Variants in DCHS2 observed in about 807,000 individuals in gnomAD.
DCHS2 encodes the protein protocadherin-23.
A neutral mutation model predicts 182.4 loss-of-function variants in DCHS2; 142 were observed. That is an observed-to-expected ratio of 0.78 (90% confidence interval 0.68 to 0.89). The LOEUF (loss-of-function observed/expected upper bound fraction) is 0.89, where lower values mean the gene tolerates loss of function less well. DCHS2 is among the 40% of genes least tolerant of loss of function. DCHS2 has a pLI of 0.00. For missense variants in DCHS2, 4,319 were observed against 4,198.6 expected, an observed-to-expected ratio of 1.03 and a Z score of -0.79; for synonymous variants, 1,740 against 1,663.3, an observed-to-expected ratio of 1.05 and a Z score of -1.12.
In DCHS2 at chr4:154,235,015, C is replaced by T; in HGVS notation, c.9637G>A (p.Val3213Ile). Residue 3213 changes from valine to isoleucine, a missense_variant, in exon 20 of 20, where the codon GTA becomes ATA. Coordinates refer to ENST00000357232, the MANE Select transcript of DCHS2 (RefSeq NM_001358235.2). ...TGAGTTGAAAGAGCTGCACACCTTA[C>T]TTCCTGATCACCTGAAATAAAGACA... is the stretch of plus-strand genomic sequence containing the variant. ...ESVFISGDQE[V>I]RCAALSTQTT... is the part of the protein sequence containing the mutation. The T allele has an allele frequency of 1.2e-6, 2 of 1,614,040 alleles. No homozygotes were observed. Among genetic ancestry groups the T allele is most frequent in the Non-Finnish European group, 1.7e-6 (2 of 1,179,984 alleles).
intron 14 of DCHS2, among the ~76,000 whole-genome samples, chr4:154,266,961 A>G (rs1284789841): frequency 6.6e-6 from 1 of 152,176 alleles, no homozygotes; most frequent in African/African-American, 2.4e-5. Flanking sequence ...TTCATCAAGC[A>G]TGTCGGCAAA....
rs149621978 is a variant in DCHS2, at chr4:154,332,318, A to G, written c.3730+160T>C. ...TCGAATACCTTATTTATTAAAAACC[A>G]TTATTTCAATTGCATGTATGCACTA... is the stretch of plus-strand genomic sequence containing the variant. On this transcript the variant is annotated intron_variant, in intron 5 of 19. Coordinates refer to ENST00000357232, the MANE Select transcript of DCHS2 (RefSeq NM_001358235.2). 2.0e-3 allele frequency among the ~76,000 whole-genome samples: 301 copies of G among 152,348 alleles called. 1 individual carries two copies. Among genetic ancestry groups the G allele is most frequent in the African/African-American group, 6.7e-3 (280 of 41,562 alleles).
At chr4:154,440,822 A>T (rs1490685) in intron 1 of DCHS2, among the ~76,000 whole-genome samples, 69,825 of 151,936 alleles carry the variant, frequency 0.46, 16,540 homozygotes, top group Middle Eastern at 0.69. Flanking sequence ...GCATTTAAAA[A>T]AATCACAATT....
At chr4:154,395,282 AC>A (rs1731881561) in intron 1 of DCHS2, among the ~76,000 whole-genome samples, 1 of 152,146 alleles carries the variant, frequency 6.6e-6, no homozygotes, top group Admixed American at 6.5e-5. Context: ...GTCACACTCC[AC>A]CTGGAGAATC....
intron 2 of DCHS2, among the ~76,000 whole-genome samples, chr4:154,369,091 T>C (rs1730523712): frequency 6.6e-6 from 1 of 152,220 alleles, no homozygotes; most frequent in African/African-American, 2.4e-5. Flanking sequence ...AAGGACAGAA[T>C]TCTAATGTTG....
At chr4:154,391,314 T>C (rs1268382719) in intron 1 of DCHS2, 24 of 1,567,554 alleles carry the variant, frequency 1.5e-5, no homozygotes, top group African/African-American at 2.7e-5. Flanking sequence ...AAATATCTCC[T>C]ATATGAGGGT....
chr4:154,346,622 T>A (rs1031117549), intron 3 of DCHS2, among the ~76,000 whole-genome samples: 5 of 151,086 alleles, frequency 3.3e-5, no homozygotes, highest in African/African-American at 5.0e-5. Context: ...CCTATGTAAG[T>A]AACTGTTCAT....
At chr4:154,350,251 C>T (rs1729544327) in intron 3 of DCHS2, among the ~76,000 whole-genome samples, 1 of 152,164 alleles carries the variant, frequency 6.6e-6, no homozygotes, top group African/African-American at 2.4e-5. Context: ...CCCTGAATTT[C>T]TTTGATTTTA....
At chr4:154,346,585 T>G (rs563142684) in intron 3 of DCHS2, among the ~76,000 whole-genome samples, 2 of 150,160 alleles carry the variant, frequency 1.3e-5, no homozygotes, top group South Asian at 2.1e-4. Flanking sequence ...ATTGCCCATT[T>G]AATAAAGAAA....
chr4:154,345,185 C>T (rs138621057), intron 3 of DCHS2, among the ~76,000 whole-genome samples: 3 of 152,308 alleles, frequency 2.0e-5, no homozygotes, highest in African/African-American at 4.8e-5. Context: ...AGGGCCTCCT[C>T]GCTAATGCTA....
intron 10 of DCHS2, among the ~76,000 whole-genome samples, chr4:154,310,395 A>G (rs776133757): frequency 1.3e-5 from 2 of 152,212 alleles, no homozygotes; most frequent in South Asian, 2.1e-4. Context: ...GGTTGGATTC[A>G]ATGGGAGCCT....
chr4:154,321,561 T>G (rs1482389965), intron 8 of DCHS2, among the ~76,000 whole-genome samples: 1 of 152,212 alleles, frequency 6.6e-6, no homozygotes, highest in East Asian at 1.9e-4. Flanking sequence ...CAGATTATTT[T>G]AAATACTACA....
In DCHS2 at chr4:154,333,449, C is replaced by T. The variant is rs766503539; in HGVS notation, c.2759G>A (p.Gly920Asp). 1.9e-6 allele frequency: 3 copies of T among 1,613,688 alleles called. No homozygotes were observed. The African/African-American group carries it at 4.0e-5, about 22-fold the overall frequency. Residue 920 changes from glycine to aspartate, a missense_variant, in exon 5 of 20, where the codon GGC becomes GAC. Coordinates refer to ENST00000357232, the MANE Select transcript of DCHS2 (RefSeq NM_001358235.2). The stretch of plus-strand genomic sequence containing the variant: ...CCGCGGGTGAATGGAGAACTTTCCG[C>T]CGAGATCACCAGAAGAAATCCTGTA... ...IFYRISSGDL[G>D]GKFSIHPRLG...
chr4:154,296,908 T>C (rs1459426618), intron 13 of DCHS2, among the ~76,000 whole-genome samples: 5 of 152,216 alleles, frequency 3.3e-5, no homozygotes, highest in Non-Finnish European at 7.3e-5. Context: ...CTGGCAGCTA[T>C]AAAATGTTAT....
At chr4:154,337,393 A>G (rs1728861378) in intron 3 of DCHS2, among the ~76,000 whole-genome samples, 1 of 152,212 alleles carries the variant, frequency 6.6e-6, no homozygotes, top group South Asian at 2.1e-4. Context: ...GTCTTCCTGC[A>G]TCCCGACTGA....
intron 1 of DCHS2, among the ~76,000 whole-genome samples, chr4:154,415,077 A>G (rs1202708749): frequency 1.3e-5 from 2 of 152,286 alleles, no homozygotes; most frequent in East Asian, 1.9e-4. Flanking sequence ...ACACATGGCT[A>G]TTTTCTCTGC....
At chr4:154,291,773 GAA>G (rs1734671894) in intron 13 of DCHS2, among the ~76,000 whole-genome samples, 3 of 398 alleles carry the variant, frequency 7.5e-3, no homozygotes, top group Non-Finnish European at 0.022. Context: ...GAAATACAGA[GAA>G]GAAGGATGGT....
chr4:154,473,313 G>C (rs1292215546), intron 1 of DCHS2, among the ~76,000 whole-genome samples: 1 of 152,180 alleles, frequency 6.6e-6, no homozygotes, highest in Non-Finnish European at 1.5e-5. Context: ...GGGACACAGT[G>C]ATCATTCCGT....
At chr4:154,431,800 G>A (rs1733569996) in intron 1 of DCHS2, among the ~76,000 whole-genome samples, 1 of 152,146 alleles carries the variant, frequency 6.6e-6, no homozygotes, top group Non-Finnish European at 1.5e-5. Context: ...TTTACATACA[G>A]AAGCTGAATT....
Sources: allele counts gnomAD v4.1 joint callset (sites outside exome capture counted in the v4.1 genomes callset), GRCh38; gene constraint gnomAD v4.1.1; transcripts MANE v1.5; gene names NCBI Gene and HGNC (gene_info 2026-07-23, HGNC 2026-07-21).